The following DNAH3 variants were observed in gnomAD, a reference collection of about 807,000 sequenced individuals.
DNAH3 encodes the protein dynein axonemal heavy chain 3.
Under a neutral mutation model 432.5 loss-of-function variants are expected in DNAH3, and 332 were observed. The observed-to-expected ratio is 0.77, with a 90% confidence interval of 0.70 to 0.84. The LOEUF is 0.84. Among genes scored for constraint, DNAH3 ranks in the 40% least tolerant of loss-of-function variants. DNAH3 has a pLI of 0.00. For missense variants in DNAH3, 4,861 were observed against 5,114.0 expected (o/e 0.95, Z 1.51); for synonymous variants, 1,956 against 1,900.2 (o/e 1.03, Z -0.76).
At chr16:21,095,751 A>G (rs1379771268) in intron 18 of DNAH3, among the ~76,000 whole-genome samples, 1 of 152,160 alleles carries the variant, frequency 6.6e-6, no homozygotes, top group Non-Finnish European at 1.5e-5. Flanking sequence ...TCTAATAAAA[A>G]CACTTGGTAA....
chr16:21,062,818 C>G (rs1398360833), intron 24 of DNAH3, 135 bp from the exon 25 acceptor site: 1 of 661,306 alleles, frequency 1.5e-6, no homozygotes, highest in Non-Finnish European at 2.5e-6. Context: ...AAGGCCCACT[C>G]TCTTTTATCA....
Position 21,040,364 on chromosome 16 carries a change from T to C in DNAH3, c.4639-421A>G, listed in dbSNP as rs1050105399. Reference sequence around the variant, plus strand: ...GAATCCCAAAGCCAGACAGATTTTTTTTTTTTTTTTTTTTTTTTTTTTAAG... The same window carrying C: ...GAATCCCAAAGCCAGACAGATTTTTCTTTTTTTTTTTTTTTTTTTTTTAAG... On this transcript the variant is annotated intron_variant, in intron 32 of 61. Transcript: ENST00000261383. Among the ~76,000 whole-genome samples the C allele has an allele frequency of 8.1e-5, 11 of 135,822 alleles. 1 individual carries two copies. In the East Asian group the frequency reaches 8.4e-4, roughly 10 times the overall value. 89.1% of individuals were successfully genotyped at this position (135,822 alleles called of 152,430 possible). A position where few individuals can be genotyped will look rare whatever the true frequency, so the allele number is the denominator to read the frequency against.
intron 55 of DNAH3, among the ~76,000 whole-genome samples, chr16:20,953,187 C>A (rs1359765937): frequency 6.7e-6 from 1 of 149,406 alleles, no homozygotes; most frequent in Non-Finnish European, 1.5e-5. Context: ...GAGACAGAGT[C>A]TCGCTCTGTC....
chr16:21,029,429 C>T (rs970234323), intron 37 of DNAH3, among the ~76,000 whole-genome samples: 4 of 152,176 alleles, frequency 2.6e-5, no homozygotes, highest in African/African-American at 4.8e-5. Flanking sequence ...ATAGCACTTG[C>T]TATATGCCAG....
intron 44 of DNAH3, among the ~76,000 whole-genome samples, chr16:20,990,568 A>G (rs78337128): frequency 0.025 from 3,805 of 152,292 alleles, 178 homozygotes; most frequent in African/African-American, 0.087. Flanking sequence ...GTTCTCAGCA[A>G]CTAATAATCT....
chr16:21,115,560 G>A (rs905132062), intron 12 of DNAH3, among the ~76,000 whole-genome samples: 4 of 151,308 alleles, frequency 2.6e-5, no homozygotes, highest in East Asian at 1.9e-4. Context: ...TATAAAAATC[G>A]GCTGGGCGTG....
intron 7 of DNAH3, among the ~76,000 whole-genome samples, chr16:21,129,567 CAA>C (rs555280776): frequency 6.4e-5 from 5 of 77,986 alleles, no homozygotes; most frequent in Admixed American, 1.5e-4. Flanking sequence ...CCTATCTCTA[CAA>C]AAAAAAAAAA....
chr16:21,067,924 T>G (rs2090631270), intron 23 of DNAH3, among the ~76,000 whole-genome samples: 1 of 152,066 alleles, frequency 6.6e-6, no homozygotes, highest in African/African-American at 2.4e-5. Flanking sequence ...TATTTGGCCT[T>G]GGGTTCCATG....
In DNAH3 at chr16:21,150,279, T is replaced by G. The variant is rs1484168417; in HGVS notation, c.118-4191A>C. 4.5e-6 allele frequency: 2 copies of G among 448,694 alleles called. No homozygotes were observed. The highest frequency in any genetic ancestry group is 4.1e-5 in the African/African-American group (2 of 49,204). 27.8% of individuals were successfully genotyped at this position (448,694 alleles called of 1,614,324 possible). ...AGGTAAAACAAGAAACGTCTTAAAA[T>G]TCACACCTACCTTCTGAGATGAGCA... On this transcript the variant is annotated intron_variant, in intron 1 of 61. Coordinates refer to ENST00000261383, the Ensembl canonical transcript of DNAH3.
At chr16:21,140,813 A>G in intron 4 of DNAH3, 103 bp from the exon 6 acceptor site, 3 of 1,028,446 alleles carry the variant, frequency 2.9e-6, no homozygotes, top group Non-Finnish European at 4.3e-6. Flanking sequence ...CTGCAAATAG[A>G]AGCCTCTCTC....
At chr16:20,959,466 G>A in intron 53 of DNAH3, 62 bp from the exon 54 acceptor site, 2 of 1,511,478 alleles carry the variant, frequency 1.3e-6, no homozygotes, top group South Asian at 2.3e-5. Flanking sequence ...TAACAGAACA[G>A]CTATATCAAC....
At chr16:21,101,995 C>T (rs942312379) in intron 16 of DNAH3, among the ~76,000 whole-genome samples, 1 of 152,214 alleles carries the variant, frequency 6.6e-6, no homozygotes, top group Non-Finnish European at 1.5e-5. Flanking sequence ...GAAAATAAAG[C>T]CAGATTTCTT....
chr16:20,982,880 C>T (rs759890925), exon 49 of DNAH3: 1 of 1,613,986 alleles, frequency 6.2e-7, no homozygotes, highest in East Asian at 2.2e-5. Flanking sequence ...CCCTATTGGA[C>T]TCATGGCTAA....
At chr16:21,090,347 A>T (rs1413203752) in intron 18 of DNAH3, among the ~76,000 whole-genome samples, 1 of 151,138 alleles carries the variant, frequency 6.6e-6, no homozygotes, top group Non-Finnish European at 1.5e-5. Context: ...TGATACGCTG[A>T]TACAAAAACC....
intron 24 of DNAH3, 91 bp downstream of exon 24, chr16:21,067,192 T>C: frequency 7.1e-7 from 1 of 1,404,114 alleles, no homozygotes. Flanking sequence ...TGGACTAGAT[T>C]GGTTGAAGCC....
At chr16:21,134,445 A>C (rs1186558478) in exon 7 of DNAH3, 2 of 1,613,806 alleles carry the variant, frequency 1.2e-6, no homozygotes, top group Non-Finnish European at 1.7e-6. Context: ...GTCCATGAGG[A>C]TGTAATCAAC....
chr16:21,028,309 G>A (rs976259447), intron 37 of DNAH3, among the ~76,000 whole-genome samples: 1 of 152,022 alleles, frequency 6.6e-6, no homozygotes, highest in African/African-American at 2.4e-5. Flanking sequence ...CTCCCAAAGT[G>A]CTAGGATCAC....
intron 5 of DNAH3, among the ~76,000 whole-genome samples, chr16:21,139,208 T>C (rs2092685178): frequency 6.6e-6 from 1 of 151,166 alleles, no homozygotes; most frequent in East Asian, 1.9e-4. Flanking sequence ...GTGGGAACTA[T>C]GACAAACTGA....
intron 40 of DNAH3, among the ~76,000 whole-genome samples, chr16:21,021,344 T>C (rs80072276): frequency 0.037 from 5,652 of 152,260 alleles, 352 homozygotes; most frequent in African/African-American, 0.13. Context: ...ACAGGGGTCC[T>C]GCTATGTTCA....
Sources: gnomAD v4.1 joint callset for allele counts (sites outside exome capture counted in the v4.1 genomes callset) on GRCh38, gnomAD v4.1.1 for gene constraint, MANE v1.5 for transcripts, NCBI Gene and HGNC (gene_info 2026-07-23, HGNC 2026-07-21) for gene names.